The following TTC3 variants were observed in gnomAD, a reference collection of about 807,000 sequenced individuals.
TTC3 encodes tetratricopeptide repeat domain 3.
In TTC3, 180 loss-of-function variants were observed where a neutral mutation model predicts 249.6. That is an observed-to-expected ratio of 0.72 (90% CI 0.64 to 0.82). TTC3 has a LOEUF of 0.82. Ranked by LOEUF, TTC3 falls within the 40% of genes least tolerant of loss-of-function variation. TTC3 has a pLI of 0.00. For synonymous variants in TTC3, 717 were observed against 805.0 expected, an observed-to-expected ratio of 0.89 and a Z score of 1.85; for missense variants, 2,061 against 2,398.4, an observed-to-expected ratio of 0.86 and a Z score of 2.94.
Position 37,192,281 on chromosome 21 carries a change from T to C in TTC3, c.5217+68T>C, listed in dbSNP as rs1247027434. Reference sequence around the variant, plus strand: ...ATTTGTTAACTGGCCAAAGTAGTTATTTGTTGTTGTTTCCTGGGAGTGAGG... The same window carrying C: ...ATTTGTTAACTGGCCAAAGTAGTTACTTGTTGTTGTTTCCTGGGAGTGAGG... On this transcript the variant is annotated intron_variant, in intron 41 of 45. Coordinates refer to ENST00000355666, the Ensembl canonical transcript of TTC3. The C allele has an allele frequency of 8.6e-6, 9 of 1,051,356 alleles. No homozygotes were observed. In the South Asian group the frequency reaches 1.2e-4, roughly 14 times the overall value. 65.1% of individuals were successfully genotyped at this position (1,051,356 alleles called of 1,614,324 possible).
intron 11 of TTC3, among the ~76,000 whole-genome samples, chr21:37,118,974 A>G (rs1399393572): frequency 6.6e-6 from 1 of 152,166 alleles, no homozygotes; most frequent in Non-Finnish European, 1.5e-5. Flanking sequence ...GGGGATAGTT[A>G]TAATAAGTAT....
intron 24 of TTC3, 64 bp from the exon 25 acceptor site, chr21:37,150,756 T>C (rs1601805959): frequency 2.0e-6 from 2 of 1,021,710 alleles, no homozygotes; most frequent in East Asian, 2.4e-5. Context: ...TTGTTACTTG[T>C]GGTTTTGTGT....
At chr21:37,192,266 T>G in intron 41 of TTC3, 53 bp downstream of exon 41, 2 of 1,204,900 alleles carry the variant, frequency 1.7e-6, no homozygotes, top group Non-Finnish European at 2.3e-6. Flanking sequence ...ATTTGTTAAC[T>G]GGCCAAAGTA....
At chr21:37,085,404 G>T (rs766103710) in intron 1 of TTC3, among the ~76,000 whole-genome samples, 3 of 152,178 alleles carry the variant, frequency 2.0e-5, no homozygotes, top group Non-Finnish European at 4.4e-5. Flanking sequence ...GGTCATTAAT[G>T]ATCCTAATGA....
chr21:37,160,705 C>G, intron 29 of TTC3, 97 bp from the exon 30 acceptor site: 1 of 1,242,574 alleles, frequency 8.0e-7, no homozygotes, highest in Non-Finnish European at 1.1e-6. Context: ...GTACATTTAA[C>G]TTATGGCTAG....
chr21:37,200,838 A>G (rs1339979284), intron 45 of TTC3, among the ~76,000 whole-genome samples: 3 of 152,178 alleles, frequency 2.0e-5, no homozygotes, highest in Non-Finnish European at 4.4e-5. Flanking sequence ...GCTGGGTTAG[A>G]ACAGATCAGG....
chr21:37,187,865 C>T (rs549164361), intron 38 of TTC3: 23 of 152,280 alleles, frequency 1.5e-4, no homozygotes, highest in African/African-American at 5.3e-4. Context: ...CACCAGCATC[C>T]GTATTCCTGA....
chr21:37,129,147 T>C (rs2077272661), intron 16 of TTC3, 84 bp downstream of exon 16: 8 of 880,994 alleles, frequency 9.1e-6, no homozygotes, highest in South Asian at 4.2e-5. Context: ...TTTCGAGTAT[T>C]AGCTACTTTA....
rs145114411 is a variant in TTC3 at position 37,164,136 on chromosome 21, C to T, written c.3256C>T (p.Gln1086Ter). ...AGAAGAATTCGAAGCTCTCTATGAC[C>T]AACACAGTAACGAATATGTTGTCCG... Residue 1086 changes from glutamine to a stop codon, truncating the protein, a stop_gained, in exon 32 of 46, where the codon CAA becomes TAA. Coordinates refer to ENST00000355666, the Ensembl canonical transcript of TTC3. LOFTEE classifies it high-confidence loss of function. 26 of 1,613,632 alleles carry T rather than the reference C, an allele frequency of 1.6e-5. No individual in the cohort carries two copies. Among genetic ancestry groups the T allele is most frequent in the Non-Finnish European group, 2.2e-5 (26 of 1,179,932 alleles).
chr21:37,175,666 A>T (rs1464011524), intron 35 of TTC3, among the ~76,000 whole-genome samples: 2 of 151,404 alleles, frequency 1.3e-5, no homozygotes, highest in Non-Finnish European at 2.9e-5. Flanking sequence ...GCGAGGTATT[A>T]TATATAGCTG....
intron 21 of TTC3, among the ~76,000 whole-genome samples, chr21:37,146,735 A>T (rs2079017392): frequency 6.6e-6 from 1 of 152,128 alleles, no homozygotes; most frequent in Non-Finnish European, 1.5e-5. Flanking sequence ...ATGCGTATGG[A>T]GTTTCTTTTT....
chr21:37,201,432 CTT>C lies in TTC3; in HGVS notation c.5944-5_5944-4del, dbSNP rs779501127. 1.9e-6 allele frequency: 3 copies of C among 1,613,524 alleles called. No individual in the cohort carries two copies. In the East Asian group the frequency reaches 6.7e-5, roughly 36 times the overall value. ...AGGCATCTTCTGATTTTGTTTTCTC[CTT>C]TTCAGTGCTTTAAGCAGTGGCTTAA... On this transcript the variant is annotated splice_polypyrimidine_tract_variant and splice_region_variant and intron_variant, in intron 45 of 45. Coordinates refer to ENST00000355666, the Ensembl canonical transcript of TTC3.
At chr21:37,130,317 CT>C (rs1361034021) in intron 16 of TTC3, among the ~76,000 whole-genome samples, 9 of 152,124 alleles carry the variant, frequency 5.9e-5, no homozygotes, top group Admixed American at 2.0e-4. Flanking sequence ...CTGCCCTCCC[CT>C]GTACCCCTAA....
intron 42 of TTC3, among the ~76,000 whole-genome samples, chr21:37,196,412 T>A (rs1000563619): frequency 3.3e-5 from 5 of 152,090 alleles, no homozygotes; most frequent in African/African-American, 1.2e-4. Context: ...AATTTTTGTA[T>A]TTTTAGTACA....
At chr21:37,168,204 A>G (rs58008706) in intron 34 of TTC3, among the ~76,000 whole-genome samples, 83,306 of 152,050 alleles carry the variant, frequency 0.55, 23,344 homozygotes, top group African/African-American at 0.64. Flanking sequence ...ATTTCTCAAC[A>G]TGCTAATATT....
intron 38 of TTC3, 128 bp downstream of exon 38, chr21:37,187,273 A>G (rs2083408378): frequency 1.5e-6 from 1 of 656,936 alleles, no homozygotes; most frequent in African/African-American, 1.9e-5. Context: ...GTAACCCATA[A>G]TATATCCTCC....
chr21:37,088,307 G>C, exon 4 of TTC3: 1 of 1,613,202 alleles, frequency 6.2e-7, no homozygotes, highest in Non-Finnish European at 8.5e-7. Context: ...CATCAAAACA[G>C]TTCCGTAATA....
intron 34 of TTC3, among the ~76,000 whole-genome samples, chr21:37,170,033 A>G (rs2081611825): frequency 6.6e-6 from 1 of 152,194 alleles, no homozygotes; most frequent in Non-Finnish European, 1.5e-5. Context: ...ATGGACCTAT[A>G]AAAGTATCCA....
chr21:37,188,876 T>G (rs2083623204), intron 39 of TTC3, among the ~76,000 whole-genome samples: 1 of 152,226 alleles, frequency 6.6e-6, no homozygotes, highest in Non-Finnish European at 1.5e-5. Context: ...ATAGGAAATT[T>G]ATTTTCATAT....
Sources: allele counts gnomAD v4.1 joint callset (sites outside exome capture counted in the v4.1 genomes callset), GRCh38; gene constraint gnomAD v4.1.1; transcripts MANE v1.5; gene names NCBI Gene and HGNC (gene_info 2026-07-23, HGNC 2026-07-21).